The following EPX variants were observed in gnomAD, a reference collection of about 807,000 sequenced individuals.
EPX encodes the protein eosinophil peroxidase.
EPX carries 60 observed loss-of-function variants against 73.0 expected under a neutral mutation model. The ratio of observed to expected loss-of-function variants is 0.82; its 90% CI spans 0.67 to 1.02. The LOEUF is 1.02. EPX is among the 50% of genes least tolerant of loss of function. The probability of loss-of-function intolerance (pLI) is 0.00; values close to 1 mark genes in which losing one functional copy is unlikely to be tolerated. For synonymous variants in EPX, 347 were observed against 389.2 expected, an observed-to-expected ratio of 0.89 and a Z score of 1.28; for missense variants, 950 against 973.9, an observed-to-expected ratio of 0.98 and a Z score of 0.33.
chr17:58,200,448 A>C, intron 10 of EPX, 53 bp downstream of exon 10: 1 of 1,581,198 alleles, frequency 6.3e-7, no homozygotes, highest in South Asian at 1.1e-5. Context: ...AGGCTGCTCA[A>C]GGGGTTCTGG....
intron 5 of EPX, 61 bp from the exon 6 acceptor site, chr17:58,194,903 G>T (rs765494671): frequency 5.4e-6 from 7 of 1,292,662 alleles, no homozygotes; most frequent in Non-Finnish European, 7.8e-6. Context: ...TCCTGGGTTG[G>T]CTCTAATACC....
Position 58,197,334 on chromosome 17 carries a change from T to C in EPX, c.1120+77T>C, listed in dbSNP as rs185279173. On this transcript the variant is annotated intron_variant, in intron 7 of 12. Transcript: ENST00000225371. ...TCCCAACTGGGAAGCAATGGTGGGATGTGGTGAAGGTACATGGTTTGGGAC... is the reference window on the plus strand; with the variant it reads ...TCCCAACTGGGAAGCAATGGTGGGACGTGGTGAAGGTACATGGTTTGGGAC... 3.5e-4 allele frequency: 544 copies of C among 1,553,128 alleles called. 1 individual carries two copies. In the African/African-American group the frequency reaches 6.6e-3, roughly 19 times the overall value.
rs1968212594 is a variant in EPX at position 58,193,735 on chromosome 17, T to C, written c.368T>C (p.Leu123Pro). Residue 123 changes from leucine (L) to proline (P), a missense_variant, in exon 4 of 13, where the codon CTG becomes CCG. Coordinates refer to ENST00000225371, the MANE Select transcript of EPX (RefSeq NM_000502.6). ...ACAGATGTGCTAACAGAACCACAGC[T>C]GCGGCTGCTGTCCCAGGCCAGTGGC... is the stretch of plus-strand genomic sequence containing the variant. ...NVTDVLTEPQ[L>P]RLLSQASGCA... 1 of 1,612,082 alleles carries C rather than the reference T, an allele frequency of 6.2e-7. No homozygotes were observed. Among genetic ancestry groups the C allele is most frequent in the Non-Finnish European group, 8.5e-7 (1 of 1,179,670 alleles).
At chr17:58,198,154 G>A (rs78772777) in intron 7 of EPX, among the ~76,000 whole-genome samples, 2 of 152,274 alleles carry the variant, frequency 1.3e-5, no homozygotes, top group South Asian at 2.1e-4. Context: ...ATATTTAAAT[G>A]TGCCATCTCT....
At chr17:58,198,937 T>G in intron 7 of EPX, 103 bp from the exon 8 acceptor site, 1 of 1,233,398 alleles carries the variant, frequency 8.1e-7, no homozygotes, top group Non-Finnish European at 1.2e-6. Flanking sequence ...GGGCCAGGAG[T>G]TTGGCCCACC....
In EPX at chr17:58,200,341, G is replaced by T; in HGVS notation, c.1654G>T (p.Gly552Trp). The T allele has an allele frequency of 6.2e-7, 1 of 1,614,218 alleles. No homozygotes were observed. The highest frequency in any genetic ancestry group is 8.5e-7 in the Non-Finnish European group (1 of 1,180,046). The change falls in exon 10 of 13, where the codon GGG (glycine) becomes TGG (tryptophan). Residue 552 changes from glycine to tryptophan, a missense_variant. Gly to Trp is a radical substitution (Grantham distance 184). Coordinates refer to ENST00000225371, the MANE Select transcript of EPX (RefSeq NM_000502.6). ...GCTGTTTCGGCAAGTGAGGAGGATT[G>T]GGCTGGACCTGGCAGCTCTCAACAT... is the stretch of plus-strand genomic sequence containing the variant. ...DRLFRQVRRI[G>W]LDLAALNMQR...
At chr17:58,199,461 T>C (rs999976493) in intron 8 of EPX, 78 bp from the exon 9 acceptor site, 6 of 1,496,794 alleles carry the variant, frequency 4.0e-6, no homozygotes, top group Admixed American at 3.3e-5. Flanking sequence ...ATAAAGAATA[T>C]GTCTGAGCCA....
chr17:58,195,050 G>A lies in EPX; in HGVS notation c.681G>A (p.Trp227Ter). ...GCCGAGCCCTCATGTTCATGCAGTGGGGCCAGTTCATTGACCATGACCTGG... is the reference window on the plus strand; with the variant it reads ...GCCGAGCCCTCATGTTCATGCAGTGAGGCCAGTTCATTGACCATGACCTGG... The part of the protein sequence containing the change: ...DRGRALMFMQ[W>*]GQFIDHDLDF... The change falls in exon 6 of 13, where the codon TGG (tryptophan) becomes TGA (stop). Residue 227 changes from tryptophan to a stop codon, truncating the protein, a stop_gained. Transcript: ENST00000225371. LOFTEE classifies it high-confidence loss of function. The A allele has an allele frequency of 1.9e-6, 3 of 1,614,008 alleles. No individual in the cohort carries two copies. The highest frequency in any genetic ancestry group is 2.5e-6 in the Non-Finnish European group (3 of 1,179,848).
intron 11 of EPX, among the ~76,000 whole-genome samples, 173 bp from the exon 12 acceptor site, chr17:58,204,049 A>G (rs1452212592): frequency 6.7e-6 from 1 of 149,228 alleles, no homozygotes; most frequent in Non-Finnish European, 1.5e-5. Flanking sequence ...TGCACTTAAT[A>G]CTGGGCAATT....
chr17:58,195,215 C>A lies in EPX; in HGVS notation c.801+45C>A, dbSNP rs771702321. The A allele has an allele frequency of 1.4e-5, 21 of 1,496,566 alleles. No individual in the cohort carries two copies. The South Asian group carries it at 2.3e-4, about 16-fold the overall frequency. 92.7% of individuals were successfully genotyped at this position (1,496,566 alleles called of 1,614,324 possible). A position where few individuals can be genotyped will look rare whatever the true frequency, so the allele number is the denominator to read the frequency against. On this transcript the variant is annotated intron_variant, in intron 6 of 12. Transcript: ENST00000225371. The stretch of plus-strand genomic sequence containing the variant: ...CTCCCATGCCCTTGTGTGGCCTCCC[C>A]CAAAGGCAAGGTGCTGGGGGTGGGG...
chr17:58,197,346 A>G, intron 7 of EPX, 89 bp downstream of exon 7: 3 of 1,518,196 alleles, frequency 2.0e-6, no homozygotes, highest in Non-Finnish European at 2.7e-6. Flanking sequence ...TGGTGAAGGT[A>G]CATGGTTTGG....
At chr17:58,201,518 C>T (rs536800940) in intron 10 of EPX, among the ~76,000 whole-genome samples, 77 of 152,272 alleles carry the variant, frequency 5.1e-4, no homozygotes, top group African/African-American at 5.3e-4. Flanking sequence ...AACCTGCCGC[C>T]GCCTACAGCT....
intron 6 of EPX, among the ~76,000 whole-genome samples, chr17:58,195,698 T>TCA (rs35352002): frequency 0.069 from 10,419 of 151,546 alleles, 616 homozygotes; most frequent in African/African-American, 0.16. Context: ...ACACACTCTC[T>TCA]CACACACACA....
intron 7 of EPX, 23 bp from the exon 8 acceptor site, chr17:58,199,017 A>C: frequency 6.2e-7 from 1 of 1,612,336 alleles, no homozygotes. Flanking sequence ...GGCTGCAGTA[A>C]ATCTGAGCTT....
At chr17:58,193,237 T>A (rs1226387009) in intron 2 of EPX, 106 bp downstream of exon 2, 11 of 1,236,514 alleles carry the variant, frequency 8.9e-6, no homozygotes, top group Non-Finnish European at 1.3e-5. Flanking sequence ...CCCATGAACA[T>A]TTCCTGTTGG....
At position 58,203,255 on chromosome 17, in the gene EPX, G is replaced by C; in HGVS notation, c.1883G>C (p.Arg628Pro). The change falls in exon 11 of 13, where the codon CGA becomes CCA. Residue 628 changes from arginine to proline, a missense_variant. Arg to Pro is a moderately radical substitution (Grantham distance 103). Coordinates refer to ENST00000225371, the MANE Select transcript of EPX (RefSeq NM_000502.6). ...GCTGAGCCTCTTTTGCCGGGGGCTC[G>C]AGTGGGGCCTCTTCTGGCTTGTCTG... ...AIAEPLLPGARVGPLLACLFE... is the reference protein window; with the variant it reads ...AIAEPLLPGAPVGPLLACLFE... 1 of 1,614,222 alleles carries C rather than the reference G, an allele frequency of 6.2e-7. No homozygotes were observed. The highest frequency in any genetic ancestry group is 8.5e-7 in the Non-Finnish European group (1 of 1,180,036).
rs762443007 is a variant in EPX at position 58,199,108 on chromosome 17, C to T, written c.1189C>T (p.Arg397Trp). The T allele has an allele frequency of 1.5e-5, 25 of 1,613,866 alleles. No homozygotes were observed. The highest frequency in any genetic ancestry group is 1.6e-4 in the Middle Eastern group (1 of 6,084). Residue 397 changes from arginine to tryptophan, a missense_variant, in exon 8 of 13, where the codon CGG (arginine) becomes TGG (tryptophan). Coordinates refer to ENST00000225371, the MANE Select transcript of EPX (RefSeq NM_000502.6). ...CACCCTCTTTATGCGAGAGCACAAC[C>T]GGCTGGCCACCGAGCTGAGACGCCT... ...MHTLFMREHN[R>W]LATELRRLNP...
chr17:58,203,031 C>A, intron 10 of EPX, 50 bp from the exon 11 acceptor site: 1 of 1,374,390 alleles, frequency 7.3e-7, no homozygotes. Flanking sequence ...AAAACAGAAG[C>A]TAATGGGAGA....
Position 58,192,988 on chromosome 17 carries a change from G to C in EPX, c.77-50G>C, listed in dbSNP as rs758440919. 4 of 1,596,058 alleles carry C rather than the reference G, an allele frequency of 2.5e-6. No individual in the cohort carries two copies. In the South Asian group the frequency reaches 3.3e-5, roughly 13 times the overall value. On this transcript the variant is annotated intron_variant, in intron 1 of 12. Coordinates refer to ENST00000225371, the MANE Select transcript of EPX (RefSeq NM_000502.6). Reference sequence around the variant, plus strand: ...TGGAAGGGGAAGCACTTGGGTCTTGGAGGGGGTCTTGTGGCTTGCTGAACC... The same window carrying C: ...TGGAAGGGGAAGCACTTGGGTCTTGCAGGGGGTCTTGTGGCTTGCTGAACC...
Sources: gnomAD v4.1 joint callset for allele counts (sites outside exome capture counted in the v4.1 genomes callset) on GRCh38, gnomAD v4.1.1 for gene constraint, MANE v1.5 for transcripts, NCBI Gene and HGNC (gene_info 2026-07-23, HGNC 2026-07-21) for gene names.